AGO4: variants seen among roughly 807,000 people sequenced by gnomAD.
The protein encoded by AGO4 is protein argonaute-4.
In AGO4, 33 loss-of-function variants were observed where a neutral mutation model predicts 104.7. The ratio of observed to expected loss-of-function variants is 0.32; its 90% confidence interval spans 0.24 to 0.42. The LOEUF (loss-of-function observed/expected upper bound fraction) is 0.42. Among genes scored for constraint, AGO4 ranks in the 10% least tolerant of loss-of-function variants. AGO4 has a pLI of 1.00. For missense variants in AGO4, 711 were observed against 1,083.4 expected, an observed-to-expected ratio of 0.66 and a Z score of 4.83; for synonymous variants, 331 against 364.7, an observed-to-expected ratio of 0.91 and a Z score of 1.05.
In AGO4 at chr1:35,855,459, TCAACGGC is replaced by T. The variant is rs1317129656; in HGVS notation, c.*1855_*1861del. The T allele has an allele frequency of 3.3e-5, 5 of 152,566 alleles. No homozygotes were observed. Among genetic ancestry groups the T allele is most frequent in the Non-Finnish European group, 2.9e-5 (2 of 68,014 alleles). 9.5% of individuals were successfully genotyped at this position (152,566 alleles called of 1,614,324 possible). ...AGTTTACATTTCCATGTGCTGTTGATCAACGGCGCCACCTGTGTTTGCTGAGACTGGT... is the reference window on the plus strand; with the variant it reads ...AGTTTACATTTCCATGTGCTGTTGATGCCACCTGTGTTTGCTGAGACTGGT... On this transcript the variant is annotated 3_prime_UTR_variant, in exon 18 of 18. Transcript: ENST00000373210.
intron 8 of AGO4, 107 bp from the exon 9 acceptor site, chr1:35,831,705 A>T: frequency 6.5e-7 from 1 of 1,546,852 alleles, no homozygotes; most frequent in Non-Finnish European, 8.7e-7. Flanking sequence ...TTCACTATAT[A>T]ACCAAATTTT....
In AGO4 at chr1:35,831,514, C is replaced by A; in HGVS notation, c.936C>A (p.Tyr312Ter). 2 of 1,614,028 alleles carry A rather than the reference C, an allele frequency of 1.2e-6. No homozygotes were observed. The highest frequency in any genetic ancestry group is 8.5e-7 in the Non-Finnish European group (1 of 1,180,004). ...FKQKYSLQLK[Y>*]PHLPCLQVGQ... ...AAAAGTATAGTCTGCAACTGAAATA[C>A]CCCCATCTTCCCTGTCTCCAAGTGG... The change falls in exon 8 of 18, where the codon TAC (tyrosine) becomes TAA (stop). Residue 312 changes from tyrosine to a stop codon, truncating the protein, a stop_gained. Coordinates refer to ENST00000373210, the MANE Select transcript of AGO4 (RefSeq NM_017629.4). LOFTEE classifies it high-confidence loss of function.
At chr1:35,835,476 G>C (rs1644291230) in intron 12 of AGO4, among the ~76,000 whole-genome samples, 1 of 152,206 alleles carries the variant, frequency 6.6e-6, no homozygotes, top group South Asian at 2.1e-4. Context: ...CAAAGGGCCG[G>C]TGTGTGTACT....
At position 35,855,179 on chromosome 1, in the gene AGO4, A is replaced by G. The variant is rs1212083632; in HGVS notation, c.*1574A>G. 2.0e-5 allele frequency: 3 copies of G among 152,516 alleles called. No homozygotes were observed. Among genetic ancestry groups the G allele is most frequent in the Non-Finnish European group, 2.9e-5 (2 of 68,094 alleles). The allele number at this position is 152,516 out of a possible 1,614,324, so 9.4% of individuals were successfully genotyped here. On this transcript the variant is annotated 3_prime_UTR_variant, in exon 18 of 18. Coordinates refer to ENST00000373210, the MANE Select transcript of AGO4 (RefSeq NM_017629.4). Reference sequence around the variant, plus strand: ...CTATCCAGGACATCAGGAGTGAGGGATGGAAAAGGGGATAAAAGGCCTGGA... The same window carrying G: ...CTATCCAGGACATCAGGAGTGAGGGGTGGAAAAGGGGATAAAAGGCCTGGA...
chr1:35,836,379 G>A (rs1464998069), intron 13 of AGO4, among the ~76,000 whole-genome samples: 3 of 152,140 alleles, frequency 2.0e-5, no homozygotes, highest in Admixed American at 6.6e-5. Context: ...CTTTTTCATT[G>A]TTGTGTATGA....
intron 15 of AGO4, among the ~76,000 whole-genome samples, chr1:35,846,393 C>T (rs891048969): frequency 4.0e-5 from 6 of 151,804 alleles, no homozygotes; most frequent in African/African-American, 9.7e-5. Context: ...GTCAGGAGAT[C>T]GAGACCATCC....
intron 13 of AGO4, among the ~76,000 whole-genome samples, chr1:35,837,936 G>T (rs188985581): frequency 6.6e-6 from 1 of 151,742 alleles, no homozygotes; most frequent in African/African-American, 2.4e-5. Flanking sequence ...AGGCTGGAGT[G>T]CAGTGGGGCA....
intron 15 of AGO4, among the ~76,000 whole-genome samples, chr1:35,846,421 C>A (rs1327998812): frequency 6.6e-6 from 1 of 151,856 alleles, no homozygotes; most frequent in Non-Finnish European, 1.5e-5. Context: ...CACGGTGAAA[C>A]CCTGTCTCTA....
intron 15 of AGO4, among the ~76,000 whole-genome samples, chr1:35,845,619 G>A (rs1644554924): frequency 6.6e-6 from 1 of 151,916 alleles, no homozygotes. Context: ...TCTCTATAGT[G>A]TCATCCACTT....
chr1:35,846,604 G>GATATAT (rs72414122), intron 15 of AGO4, among the ~76,000 whole-genome samples: 1 of 140,662 alleles, frequency 7.1e-6, no homozygotes, highest in South Asian at 2.3e-4. Flanking sequence ...CTCAAAAAAA[G>GATATAT]ATATATATAT....
Position 35,824,784 on chromosome 1 carries a change from G to A in AGO4, c.307-529G>A, listed in dbSNP as rs562991516. Among the ~76,000 whole-genome samples, 4 of 152,228 alleles carry A rather than the reference G, an allele frequency of 2.6e-5. No homozygotes were observed. The South Asian group carries it at 8.3e-4, about 32-fold the overall frequency. ...CCACTGCACTCCAGCTTGGATGACA[G>A]AGCAGGACCCTGTCTCAAAAAAAAC... is the stretch of plus-strand genomic sequence containing the variant. On this transcript the variant is annotated intron_variant, in intron 3 of 17. Transcript: ENST00000373210.
In AGO4 at chr1:35,830,646, A is replaced by G. The variant is rs113940444; in HGVS notation, c.849-781A>G. Among the ~76,000 whole-genome samples the G allele has an allele frequency of 5.9e-3, 895 of 152,316 alleles. 7 individuals carry two copies. Among genetic ancestry groups the G allele is most frequent in the African/African-American group, 0.021 (862 of 41,570 alleles). On this transcript the variant is annotated intron_variant, in intron 7 of 17. Coordinates refer to ENST00000373210, the MANE Select transcript of AGO4 (RefSeq NM_017629.4). ...GGAATCATTGTTCTGGTTAAATACT[A>G]AACTTACTTAAGTGAAAATGCTCAA...
chr1:35,828,530 T>A (rs1644092459), intron 7 of AGO4, among the ~76,000 whole-genome samples: 1 of 152,086 alleles, frequency 6.6e-6, no homozygotes, highest in African/African-American at 2.4e-5. Flanking sequence ...CACTTCTTTT[T>A]TTTTTTGAGA....
chr1:35,835,759 G>C, intron 12 of AGO4, 75 bp from the exon 13 acceptor site: 1 of 1,249,130 alleles, frequency 8.0e-7, no homozygotes, highest in Non-Finnish European at 1.1e-6. Flanking sequence ...GTTAATGTGT[G>C]GGGTTTTTTT....
chr1:35,850,119 C>T, intron 15 of AGO4, 38 bp from the exon 16 acceptor site: 2 of 1,448,852 alleles, frequency 1.4e-6, no homozygotes, highest in South Asian at 1.3e-5. Flanking sequence ...CACAGTTTGG[C>T]ACTTTGATGA....
At chr1:35,832,697 T>C in intron 11 of AGO4, 127 bp downstream of exon 11, 1 of 1,222,042 alleles carries the variant, frequency 8.2e-7, no homozygotes. Flanking sequence ...TCTGGCTATA[T>C]GAAAAAGACC....
chr1:35,812,232 A>G (rs973351479), intron 1 of AGO4, among the ~76,000 whole-genome samples: 5 of 152,180 alleles, frequency 3.3e-5, no homozygotes, highest in African/African-American at 1.2e-4. Context: ...AACTTCCAGA[A>G]TGAAAAAAGT....
At chr1:35,835,587 T>A (rs1016732647) in intron 12 of AGO4, among the ~76,000 whole-genome samples, 1 of 151,212 alleles carries the variant, frequency 6.6e-6, no homozygotes, top group Non-Finnish European at 1.5e-5. Flanking sequence ...GCACAGAGAA[T>A]AAAGGAAGCA....
intron 17 of AGO4, 141 bp from the exon 18 acceptor site, chr1:35,853,356 A>C (rs1355145880): frequency 3.6e-6 from 2 of 557,940 alleles, no homozygotes; most frequent in Non-Finnish European, 6.4e-6. Context: ...TCTAGAATCT[A>C]GTACTGTTTG....
Sources: allele counts gnomAD v4.1 joint callset (sites outside exome capture counted in the v4.1 genomes callset), GRCh38; gene constraint gnomAD v4.1.1; transcripts MANE v1.5; gene names NCBI Gene and HGNC (gene_info 2026-07-23, HGNC 2026-07-21).